The following SERPINB10 variants were observed in gnomAD, a reference collection of about 807,000 sequenced individuals.
The protein encoded by SERPINB10 is serpin B10.
In SERPINB10, 35 loss-of-function variants were observed where a neutral mutation model predicts 39.1. The observed-to-expected ratio is 0.90, with a 90% CI of 0.68 to 1.19. The LOEUF is 1.19. Ranked by LOEUF, SERPINB10 falls within the 50% of genes most tolerant of loss-of-function variation. The pLI is 0.00. For synonymous variants in SERPINB10, 190 were observed against 158.1 expected, an observed-to-expected ratio of 1.20 and a Z score of -1.52; for missense variants, 546 against 460.5, an observed-to-expected ratio of 1.19 and a Z score of -1.70.
chr18:63,919,984 G>T, intron 5 of SERPINB10, 79 bp downstream of exon 5: 2 of 770,732 alleles, frequency 2.6e-6, no homozygotes, highest in Non-Finnish European at 4.4e-6. Flanking sequence ...TCATATGTAA[G>T]TATGTATACT....
intron 2 of SERPINB10, among the ~76,000 whole-genome samples, 181 bp downstream of exon 2, chr18:63,915,859 G>A (rs1036596676): frequency 3.3e-5 from 5 of 152,030 alleles, no homozygotes; most frequent in African/African-American, 1.2e-4. Context: ...GAATCAATTT[G>A]CAAACTGTTG....
intron 1 of SERPINB10, among the ~76,000 whole-genome samples, chr18:63,914,421 A>G (rs1321348101): frequency 6.6e-6 from 1 of 152,068 alleles, no homozygotes; most frequent in East Asian, 1.9e-4. Context: ...AAACTTCCTT[A>G]AGGATTTCTT....
At chr18:63,926,486 C>A (rs937566279) in intron 5 of SERPINB10, among the ~76,000 whole-genome samples, 1 of 151,932 alleles carries the variant, frequency 6.6e-6, no homozygotes, top group Non-Finnish European at 1.5e-5. Context: ...AAGTGGGACA[C>A]GTGTTTTTGG....
Position 63,933,204 on chromosome 18 carries a change from G to A in SERPINB10, c.789+1G>A. On this transcript the variant is annotated splice_donor_variant, in intron 7 of 7. Transcript: ENST00000238508. LOFTEE classifies it high-confidence loss of function. Reference sequence around the variant, plus strand: ...AGAAGACATTAATGGGCTGGAACAGGTAAATAACATCAGTGTGTCTGATGT... The same window carrying A: ...AGAAGACATTAATGGGCTGGAACAGATAAATAACATCAGTGTGTCTGATGT... 1 of 1,613,872 alleles carries A rather than the reference G, an allele frequency of 6.2e-7. No homozygotes were observed. Among genetic ancestry groups the A allele is most frequent in the Non-Finnish European group, 8.5e-7 (1 of 1,179,870 alleles).
intron 1 of SERPINB10, among the ~76,000 whole-genome samples, chr18:63,913,971 AGTC>A (rs2050083822): frequency 0.01 from 2 of 196 alleles, no homozygotes; most frequent in African/African-American, 0.042. Context: ...AGTATAGTTA[AGTC>A]AGTTAAGTCT....
At chr18:63,910,747 C>T (rs969225223) in intron 1 of SERPINB10, among the ~76,000 whole-genome samples, 9 of 148,232 alleles carry the variant, frequency 6.1e-5, no homozygotes, top group Admixed American at 5.5e-4. Flanking sequence ...GTGAATAGTG[C>T]TGTGATGAAC....
intron 4 of SERPINB10, among the ~76,000 whole-genome samples, chr18:63,919,254 T>C (rs1268265196): frequency 6.7e-6 from 1 of 149,090 alleles, no homozygotes; most frequent in Non-Finnish European, 1.5e-5. Context: ...TTTTTTTGCC[T>C]CAGAATGCCT....
chr18:63,926,792 C>G (rs1375019939), intron 5 of SERPINB10, among the ~76,000 whole-genome samples: 1 of 151,974 alleles, frequency 6.6e-6, no homozygotes, highest in Non-Finnish European at 1.5e-5. Context: ...TTAAATATGA[C>G]CTGTCAATAA....
At chr18:63,933,301 A>G in intron 7 of SERPINB10, 98 bp downstream of exon 7, 1 of 1,309,628 alleles carries the variant, frequency 7.6e-7, no homozygotes, top group Non-Finnish European at 1.1e-6. Context: ...CTCAGGAAGA[A>G]TGTTCTCCCT....
chr18:63,910,332 G>T (rs960157877), intron 1 of SERPINB10, among the ~76,000 whole-genome samples: 10 of 151,754 alleles, frequency 6.6e-5, no homozygotes, highest in Non-Finnish European at 1.3e-4. Flanking sequence ...TGACTCAGAG[G>T]GTACATATGC....
At chr18:63,924,601 C>A (rs920144757) in intron 5 of SERPINB10, among the ~76,000 whole-genome samples, 5 of 152,000 alleles carry the variant, frequency 3.3e-5, no homozygotes, top group African/African-American at 9.6e-5. Flanking sequence ...AAGTTAGGAG[C>A]CACTGCAATA....
At chr18:63,911,497 G>A (rs182112115) in intron 1 of SERPINB10, among the ~76,000 whole-genome samples, 1 of 151,872 alleles carries the variant, frequency 6.6e-6, no homozygotes, top group Admixed American at 6.6e-5. Flanking sequence ...TTCTGGATAT[G>A]GTTAACCAGC....
chr18:63,917,938 A>G lies in SERPINB10; in HGVS notation c.235-27A>G, dbSNP rs375846531. ...GTACGTAACTCTTGTTCAACATTTT[A>G]TTTGACTAGTTCCTTCTCTTTTAAA... On this transcript the variant is annotated intron_variant, in intron 3 of 7. Coordinates refer to ENST00000238508, the MANE Select transcript of SERPINB10 (RefSeq NM_005024.3). The G allele has an allele frequency of 4.9e-4, 793 of 1,602,920 alleles. 8 individuals carry two copies. The South Asian group carries it at 8.3e-3, about 17-fold the overall frequency.
chr18:63,909,447 A>G (rs531717790), intron 1 of SERPINB10, among the ~76,000 whole-genome samples: 1 of 152,034 alleles, frequency 6.6e-6, no homozygotes, highest in African/African-American at 2.4e-5. Context: ...AGATTTCTTT[A>G]AAAAAAGAAA....
chr18:63,913,386 T>C (rs145282215), intron 1 of SERPINB10, among the ~76,000 whole-genome samples: 124 of 152,186 alleles, frequency 8.1e-4, no homozygotes, highest in African/African-American at 2.9e-3. Flanking sequence ...ATATGAAATA[T>C]TTCTAACTTT....
At chr18:63,929,511 C>T (rs2050204176) in intron 5 of SERPINB10, among the ~76,000 whole-genome samples, 1 of 151,726 alleles carries the variant, frequency 6.6e-6, no homozygotes, top group South Asian at 2.1e-4. Context: ...GACATTTTAG[C>T]ACAAGTGTCT....
chr18:63,926,878 G>A (rs1421272617), intron 5 of SERPINB10, among the ~76,000 whole-genome samples: 1 of 151,962 alleles, frequency 6.6e-6, no homozygotes, highest in Non-Finnish European at 1.5e-5. Flanking sequence ...TATTTTATAA[G>A]CATAATTATT....
intron 5 of SERPINB10, among the ~76,000 whole-genome samples, chr18:63,929,726 A>G (rs1364388192): frequency 1.0e-4 from 9 of 87,344 alleles, no homozygotes; most frequent in Admixed American, 7.0e-4. Flanking sequence ...AAAAAAAAAA[A>G]AAAAAAAGAA....
At chr18:63,914,162 C>T (rs888384438) in intron 1 of SERPINB10, among the ~76,000 whole-genome samples, 4 of 152,088 alleles carry the variant, frequency 2.6e-5, no homozygotes, top group African/African-American at 9.7e-5. Flanking sequence ...GGTGTTATTA[C>T]ATGTGAAATG....
Sources: allele counts gnomAD v4.1 joint callset (sites outside exome capture counted in the v4.1 genomes callset), GRCh38; gene constraint gnomAD v4.1.1; transcripts MANE v1.5; gene names NCBI Gene and HGNC (gene_info 2026-07-23, HGNC 2026-07-21).